Variants in IARS2 observed in about 807,000 individuals in gnomAD.
The protein encoded by IARS2 is isoleucyl-tRNA synthetase 2, mitochondrial.
In IARS2, 56 loss-of-function variants were observed where a neutral mutation model predicts 126.3. The ratio of observed to expected loss-of-function variants is 0.44; its 90% CI spans 0.36 to 0.55. The LOEUF (loss-of-function observed/expected upper bound fraction) is 0.55, where lower values mean the gene tolerates loss of function less well. IARS2 is among the 20% of genes least tolerant of loss of function. IARS2 has a pLI of 0.00. For synonymous variants in IARS2, 407 were observed against 441.1 expected, an observed-to-expected ratio of 0.92 and a Z score of 0.97; for missense variants, 1,127 against 1,245.9, an observed-to-expected ratio of 0.90 and a Z score of 1.44.
At position 220,096,223 on chromosome 1, in the gene IARS2, T is replaced by G; in HGVS notation, c.387T>G (p.Asn129Lys). ...ACCCTCATGTTGGACATGCTTTAAATAAGGTAACTATAATTTAGGTTATGA... is the reference window on the plus strand; with the variant it reads ...ACCCTCATGTTGGACATGCTTTAAAGAAGGTAACTATAATTTAGGTTATGA... ...NGDPHVGHAL[N>K]KILKDIANRF... is the part of the protein sequence containing the mutation. The change falls in exon 2 of 23, where the codon AAT becomes AAG. Residue 129 changes from asparagine (N) to lysine (K), a missense_variant. By Grantham distance (94) the Asn-to-Lys change is moderately conservative. Coordinates refer to ENST00000366922, the MANE Select transcript of IARS2 (RefSeq NM_018060.4). The G allele has an allele frequency of 6.4e-7, 1 of 1,569,006 alleles. No individual in the cohort carries two copies. The highest frequency in any genetic ancestry group is 8.6e-7 in the Non-Finnish European group (1 of 1,159,184).
At chr1:220,142,037 T>G (rs1657502008) in intron 20 of IARS2, 89 bp downstream of exon 20, 8 of 1,271,644 alleles carry the variant, frequency 6.3e-6, no homozygotes, top group Non-Finnish European at 8.9e-6. Flanking sequence ...AAAGGGGCAC[T>G]TATCCATTTA....
Position 220,138,136 on chromosome 1 carries a change from A to AG in IARS2, c.2175+93_2175+94insG, listed in dbSNP as rs1350593996. The AG allele has an allele frequency of 2.9e-6, 4 of 1,384,778 alleles. No individual in the cohort carries two copies. The Admixed American group carries it at 7.3e-5, about 25-fold the overall frequency. 85.8% of individuals were successfully genotyped at this position (1,384,778 alleles called of 1,614,324 possible). On this transcript the variant is annotated intron_variant, in intron 17 of 22. Transcript: ENST00000366922. ...CACATTTTGTTTGGAACTGAAAAAA[A>AG]CTGAATGAAAACGAGTTCTTCATTT...
At chr1:220,125,039 C>T (rs140703625) in intron 12 of IARS2, among the ~76,000 whole-genome samples, 198 bp from the exon 13 acceptor site, 323 of 152,140 alleles carry the variant, frequency 2.1e-3, no homozygotes, top group African/African-American at 6.1e-3. Context: ...AAATCAGTAA[C>T]GGAAACAGAT....
intron 16 of IARS2, among the ~76,000 whole-genome samples, chr1:220,137,461 C>A (rs1459398271): frequency 6.6e-6 from 1 of 152,102 alleles, no homozygotes; most frequent in Non-Finnish European, 1.5e-5. Flanking sequence ...TGAATTAAAT[C>A]ATTTGTCTGT....
intron 21 of IARS2, chr1:220,143,928 A>T: frequency 9.4e-7 from 1 of 1,060,864 alleles, no homozygotes; most frequent in Admixed American, 2.0e-5. Flanking sequence ...TCCACGGGGC[A>T]TTTTATTTGT....
chr1:220,101,667 T>C (rs1656574858), intron 3 of IARS2, among the ~76,000 whole-genome samples: 1 of 150,554 alleles, frequency 6.6e-6, no homozygotes, highest in Non-Finnish European at 1.5e-5. Context: ...CGCCACTGCA[T>C]GCCAACCTGG....
At chr1:220,109,095 A>G (rs925414485) in intron 10 of IARS2, among the ~76,000 whole-genome samples, 98 of 151,896 alleles carry the variant, frequency 6.5e-4, no homozygotes, top group African/African-American at 2.3e-3. Context: ...AAGAAACTTT[A>G]AAAGATCAGC....
At chr1:220,106,455 A>T (rs1656682637) in intron 9 of IARS2, among the ~76,000 whole-genome samples, 2 of 152,136 alleles carry the variant, frequency 1.3e-5, no homozygotes, top group Admixed American at 6.6e-5. Flanking sequence ...TCAGAAAGGG[A>T]ACAACTGTGT....
intron 22 of IARS2, among the ~76,000 whole-genome samples, chr1:220,146,918 C>T (rs1466009147): frequency 6.6e-6 from 1 of 152,094 alleles, no homozygotes; most frequent in South Asian, 2.1e-4. Flanking sequence ...GTGATCCACC[C>T]GCCTCGGCAT....
intron 18 of IARS2, among the ~76,000 whole-genome samples, chr1:220,139,950 T>G (rs1249622261): frequency 6.6e-6 from 1 of 152,204 alleles, no homozygotes; most frequent in East Asian, 1.9e-4. Flanking sequence ...TCTCATTCTT[T>G]CCTTAATTAA....
At chr1:220,125,190 A>G in intron 12 of IARS2, 47 bp from the exon 13 acceptor site, 1 of 1,079,938 alleles carries the variant, frequency 9.3e-7, no homozygotes, top group Non-Finnish European at 1.4e-6. Context: ...TTTGTTATTC[A>G]TCACAATAGT....
In IARS2 at chr1:220,110,881, A is replaced by G; in HGVS notation, c.1423A>G (p.Ile475Val). The change falls in exon 11 of 23, where the codon ATT becomes GTT. Residue 475 changes from isoleucine to valine, a missense_variant. Physicochemically the swap from Ile to Val is conservative, Grantham distance 29. Coordinates refer to ENST00000366922, the MANE Select transcript of IARS2 (RefSeq NM_018060.4). ...CTGGAGGACCAAGAAACCTGTGGTT[A>G]TTCGTGCCAGCAAGCAGTGGTTTAT... ...YDWRTKKPVV[I>V]RASKQWFINI... The G allele has an allele frequency of 1.2e-6, 2 of 1,614,040 alleles. No homozygotes were observed. The highest frequency in any genetic ancestry group is 1.7e-6 in the Non-Finnish European group (2 of 1,179,990).
intron 11 of IARS2, among the ~76,000 whole-genome samples, chr1:220,113,673 C>T (rs573566396): frequency 2.1e-5 from 3 of 142,204 alleles, no homozygotes; most frequent in South Asian, 2.1e-4. Context: ...GAGACAGGCT[C>T]TTGCTCTGTC....
chr1:220,127,404 A>G (rs555335531), intron 14 of IARS2, among the ~76,000 whole-genome samples: 1 of 152,356 alleles, frequency 6.6e-6, no homozygotes, highest in Admixed American at 6.5e-5. Context: ...CTGATTGGAT[A>G]AAGAGAAAGG....
chr1:220,097,289 C>G (rs976127072), intron 2 of IARS2, among the ~76,000 whole-genome samples: 5 of 151,842 alleles, frequency 3.3e-5, no homozygotes, highest in African/African-American at 1.2e-4. Context: ...ACTGCCCCAC[C>G]CCAGACCCCC....
intron 12 of IARS2, among the ~76,000 whole-genome samples, chr1:220,117,653 C>A (rs1318981207): frequency 6.6e-6 from 1 of 152,036 alleles, no homozygotes; most frequent in African/African-American, 2.4e-5. Context: ...TTAATTGATA[C>A]ATCCTGATAA....
intron 12 of IARS2, 105 bp from the exon 13 acceptor site, chr1:220,125,132 G>A: frequency 1.7e-6 from 1 of 599,340 alleles, no homozygotes; most frequent in Non-Finnish European, 2.8e-6. Flanking sequence ...TTCAAACTAA[G>A]GTTTGAGGAA....
At chr1:220,130,944 T>A (rs2102835019) in intron 14 of IARS2, among the ~76,000 whole-genome samples, 1 of 152,316 alleles carries the variant, frequency 6.6e-6, no homozygotes, top group Non-Finnish European at 1.5e-5. Flanking sequence ...CCCATTGGTC[T>A]AAGTGTCTGT....
chr1:220,134,618 C>CA, intron 15 of IARS2, 108 bp downstream of exon 15: 1 of 549,292 alleles, frequency 1.8e-6, no homozygotes, highest in Non-Finnish European at 3.1e-6. Flanking sequence ...CTTACAGTGT[C>CA]CTGTAAGAAT....
Sources: allele counts gnomAD v4.1 joint callset (sites outside exome capture counted in the v4.1 genomes callset), GRCh38; gene constraint gnomAD v4.1.1; transcripts MANE v1.5; gene names NCBI Gene and HGNC (gene_info 2026-07-23, HGNC 2026-07-21).